The following KCNIP4 variants were observed in gnomAD, a reference collection of about 807,000 sequenced individuals.
KCNIP4 encodes the protein Kv channel-interacting protein 4.
Under a neutral mutation model 34.0 loss-of-function variants are expected in KCNIP4, and 12 were observed. The ratio of observed to expected loss-of-function variants is 0.35; its 90% CI spans 0.23 to 0.57. KCNIP4 has a LOEUF of 0.57. KCNIP4 is among the 20% of genes least tolerant of loss of function. KCNIP4 has a pLI of 0.83. For synonymous variants in KCNIP4, 124 were observed against 102.2 expected (o/e 1.21, Z -1.29); for missense variants, 238 against 311.7 (o/e 0.76, Z 1.78).
intron 1 of KCNIP4, among the ~76,000 whole-genome samples, chr4:21,818,445 C>T (rs1355606414): frequency 1.3e-5 from 2 of 152,172 alleles, no homozygotes; most frequent in African/African-American, 2.4e-5. Context: ...TTCCCAGTGG[C>T]CTGCCCTAAT....
At chr4:20,813,281 C>T (rs536215309) in intron 3 of KCNIP4, among the ~76,000 whole-genome samples, 1 of 152,188 alleles carries the variant, frequency 6.6e-6, no homozygotes, top group South Asian at 2.1e-4. Context: ...ATTGCCAAAC[C>T]TCAACAAAGG....
At position 21,101,672 on chromosome 4, in the gene KCNIP4, G is replaced by A. The variant is rs1747953641; in HGVS notation, c.62-218963C>T. On this transcript the variant is annotated intron_variant, in intron 1 of 8. Coordinates refer to ENST00000382152, the MANE Select transcript of KCNIP4 (RefSeq NM_025221.6). ...TGAAAATGTTCTATTATTAGTGTGCGGTAAGAGCTAGATAAATTATACACT... is the reference window on the plus strand; with the variant it reads ...TGAAAATGTTCTATTATTAGTGTGCAGTAAGAGCTAGATAAATTATACACT... Among the ~76,000 whole-genome samples, 8 of 152,080 alleles carry A rather than the reference G, an allele frequency of 5.3e-5. No homozygotes were observed. The South Asian group carries it at 1.5e-3, about 28-fold the overall frequency.
At chr4:20,822,952 T>A (rs943984717) in intron 3 of KCNIP4, among the ~76,000 whole-genome samples, 1 of 152,060 alleles carries the variant, frequency 6.6e-6, no homozygotes, top group African/African-American at 2.4e-5. Flanking sequence ...GGATGACACA[T>A]AATTTTTCCC....
intron 1 of KCNIP4, chr4:21,613,796 A>G (rs1180106046): frequency 2.0e-5 from 3 of 152,052 alleles, no homozygotes; most frequent in Admixed American, 1.3e-4. Context: ...TCTACAGGGA[A>G]ACAATTCTTC....
At chr4:21,320,964 TA>T (rs528123961) in intron 1 of KCNIP4, among the ~76,000 whole-genome samples, 2,018 of 102,864 alleles carry the variant, frequency 0.02, 118 homozygotes, top group African/African-American at 0.064. Flanking sequence ...GAATCTGTCT[TA>T]AAAAAAAAAA....
intron 1 of KCNIP4, among the ~76,000 whole-genome samples, chr4:21,738,023 T>A (rs1437645658): frequency 1.3e-5 from 2 of 151,348 alleles, no homozygotes; most frequent in Non-Finnish European, 2.9e-5. Context: ...ACCTGGGAGG[T>A]GGAGCTTGCA....
chr4:20,785,929 C>T (rs1198544580), intron 3 of KCNIP4, among the ~76,000 whole-genome samples: 1 of 151,514 alleles, frequency 6.6e-6, no homozygotes, highest in Admixed American at 6.6e-5. Context: ...ACAATTTGAC[C>T]CAGGAATACC....
chr4:20,851,442 G>T (rs10938811), intron 2 of KCNIP4, among the ~76,000 whole-genome samples: 12 of 151,938 alleles, frequency 7.9e-5, no homozygotes, highest in Admixed American at 7.9e-4. Context: ...ATTGGTGGGC[G>T]GTTAGGTTGA....
At position 21,070,752 on chromosome 4, in the gene KCNIP4, T is replaced by A. The variant is rs570733351; in HGVS notation, c.62-188043A>T. Among the ~76,000 whole-genome samples, 39 of 133,940 alleles carry A rather than the reference T, an allele frequency of 2.9e-4. No homozygotes were observed. In the Middle Eastern group the frequency reaches 0.012, roughly 41 times the overall value. The allele number at this position is 133,940 out of a possible 152,430, so 87.9% of individuals were successfully genotyped here. Reference sequence around the variant, plus strand: ...GTGCGGTGGTGCAATCTCGGCTCACTGCAAGCTCTGCCTCTCAGGTTCAAG... The same window carrying A: ...GTGCGGTGGTGCAATCTCGGCTCACAGCAAGCTCTGCCTCTCAGGTTCAAG... On this transcript the variant is annotated intron_variant, in intron 1 of 8. Transcript: ENST00000382152.
intron 1 of KCNIP4, among the ~76,000 whole-genome samples, chr4:21,906,194 A>G (rs764324959): frequency 2.0e-5 from 3 of 152,212 alleles, no homozygotes; most frequent in African/African-American, 2.4e-5. Flanking sequence ...TCCCAAAGTC[A>G]TTGCTATGTT....
At chr4:20,905,991 C>G (rs1291612787) in intron 1 of KCNIP4, among the ~76,000 whole-genome samples, 1 of 152,002 alleles carries the variant, frequency 6.6e-6, no homozygotes, top group Non-Finnish European at 1.5e-5. Flanking sequence ...ACAATTCCAC[C>G]ACTAACGGGT....
chr4:21,637,811 A>G (rs1409090941), intron 1 of KCNIP4, among the ~76,000 whole-genome samples: 1 of 151,438 alleles, frequency 6.6e-6, no homozygotes, highest in Non-Finnish European at 1.5e-5. Flanking sequence ...AAAAGATGAG[A>G]AAACAAAATT....
chr4:21,646,001 A>G lies in KCNIP4; in HGVS notation c.61+302570T>C, dbSNP rs534883538. 2.0e-5 allele frequency among the ~76,000 whole-genome samples: 3 copies of G among 152,294 alleles called. No homozygotes were observed. In the East Asian group the frequency reaches 5.8e-4, roughly 29 times the overall value. ...TTGCAATATCACCAGACCTGCAGTA[A>G]TATGCTCAAATCTCATTTCCTCCAT... On this transcript the variant is annotated intron_variant, in intron 1 of 8. Transcript: ENST00000382152.
At chr4:21,612,929 T>C (rs560792861) in intron 1 of KCNIP4, among the ~76,000 whole-genome samples, 1 of 152,294 alleles carries the variant, frequency 6.6e-6, no homozygotes, top group Admixed American at 6.5e-5. Context: ...TTAATAGAAG[T>C]AATATCATTC....
intron 3 of KCNIP4, among the ~76,000 whole-genome samples, chr4:20,763,656 C>T (rs578141314): frequency 3.9e-5 from 6 of 152,288 alleles, no homozygotes; most frequent in African/African-American, 1.4e-4. Flanking sequence ...ATCCCTGTGG[C>T]ATGTTTGAAA....
rs71193407 is a variant in KCNIP4, at chr4:21,792,000, C to CAA, written c.61+156569_61+156570dup. Among the ~76,000 whole-genome samples the CAA allele has an allele frequency of 6.5e-4, 39 of 59,748 alleles. 4 individuals carry two copies. The highest frequency in any genetic ancestry group is 2.6e-3 in the African/African-American group (34 of 13,112). 39.2% of individuals were successfully genotyped at this position (59,748 alleles called of 152,430 possible). ...CTGGTGACAGAATGAGACTCCGTCT[C>CAA]AAAAAAAAAAAAAAAAAAAAAAAAA... On this transcript the variant is annotated intron_variant, in intron 1 of 8. Coordinates refer to ENST00000382152, the MANE Select transcript of KCNIP4 (RefSeq NM_025221.6).
chr4:21,774,315 T>C (rs895838214), intron 1 of KCNIP4, among the ~76,000 whole-genome samples: 1 of 152,240 alleles, frequency 6.6e-6, no homozygotes, highest in Non-Finnish European at 1.5e-5. Context: ...TCTGTTAGTC[T>C]GATGGGCTTC....
At chr4:21,146,191 G>T (rs9997723) in intron 1 of KCNIP4, among the ~76,000 whole-genome samples, 53,142 of 151,882 alleles carry the variant, frequency 0.35, 9,438 homozygotes, top group African/African-American at 0.39. Context: ...GAGGTCACGA[G>T]ATCGAGACCA....
chr4:21,237,968 CA>C (rs1759496286), intron 1 of KCNIP4, among the ~76,000 whole-genome samples: 1 of 152,054 alleles, frequency 6.6e-6, no homozygotes, highest in African/African-American at 2.4e-5. Context: ...AACATTGATG[CA>C]AAAATCCTCA....
Sources: gnomAD v4.1 joint callset for allele counts (sites outside exome capture counted in the v4.1 genomes callset) on GRCh38, gnomAD v4.1.1 for gene constraint, MANE v1.5 for transcripts, NCBI Gene and HGNC (gene_info 2026-07-23, HGNC 2026-07-21) for gene names.